RYR3: variants seen among roughly 807,000 people sequenced by gnomAD.
RYR3 encodes the protein ryanodine receptor 3, also known as brain ryanodine receptor-calcium release channel.
A neutral mutation model predicts 584.3 loss-of-function variants in RYR3; 207 were observed. The ratio of observed to expected loss-of-function variants is 0.35; its 90% CI spans 0.32 to 0.40. The LOEUF (loss-of-function observed/expected upper bound fraction) is 0.40. RYR3 is among the 10% of genes least tolerant of loss of function. The pLI, the probability that RYR3 is intolerant of heterozygous loss-of-function variation, is 1.00. For synonymous variants in RYR3, 2,416 were observed against 2,248.5 expected, an observed-to-expected ratio of 1.07 and a Z score of -2.11; for missense variants, 5,616 against 6,089.2, an observed-to-expected ratio of 0.92 and a Z score of 2.59.
intron 81 of RYR3, among the ~76,000 whole-genome samples, chr15:33,825,004 C>T (rs1350478547): frequency 6.6e-6 from 1 of 152,098 alleles, no homozygotes; most frequent in Admixed American, 6.5e-5. Flanking sequence ...AAAATGAAGG[C>T]CAACTTGTCA....
chr15:33,340,352 C>G (rs1047099799), intron 1 of RYR3, among the ~76,000 whole-genome samples: 1 of 152,150 alleles, frequency 6.6e-6, no homozygotes, highest in African/African-American at 2.4e-5. Context: ...GCATTTGTTT[C>G]TTTTGATGTT....
rs1210909341 is a variant in RYR3 at position 33,534,129 on chromosome 15, G to A, written c.433+740G>A. Among the ~76,000 whole-genome samples the A allele has an allele frequency of 3.9e-5, 6 of 152,212 alleles. No homozygotes were observed. The East Asian group carries it at 5.8e-4, about 15-fold the overall frequency. ...AGGGTAGTAAAAATGGGCCGGGCAC[G>A]GTGGCTCATGCCTGTAATCCCAGCA... On this transcript the variant is annotated intron_variant, in intron 5 of 103. Transcript: ENST00000634891.
intron 43 of RYR3, among the ~76,000 whole-genome samples, chr15:33,709,145 G>T (rs961455073): frequency 6.6e-6 from 1 of 152,194 alleles, no homozygotes; most frequent in South Asian, 2.1e-4. Flanking sequence ...AACAGTAGCC[G>T]TGTCTAGTTT....
chr15:33,816,393 G>A (rs1471464123), intron 74 of RYR3, among the ~76,000 whole-genome samples: 1 of 152,204 alleles, frequency 6.6e-6, no homozygotes, highest in Non-Finnish European at 1.5e-5. Flanking sequence ...GTGGTTACTT[G>A]GAGAATGAAA....
chr15:33,662,139 C>A lies in RYR3; in HGVS notation c.4623-14C>A. The A allele has an allele frequency of 6.4e-7, 1 of 1,552,728 alleles. No homozygotes were observed. Among genetic ancestry groups the A allele is most frequent in the South Asian group, 1.2e-5 (1 of 80,612 alleles). Reference sequence around the variant, plus strand: ...TCTCCCCCTGGTGTGGCTGATTGCTCGTCCTGTCCTCAGGTGTGTGGATAT... The same window carrying A: ...TCTCCCCCTGGTGTGGCTGATTGCTAGTCCTGTCCTCAGGTGTGTGGATAT... On this transcript the variant is annotated splice_polypyrimidine_tract_variant and intron_variant, in intron 34 of 103. Transcript: ENST00000634891.
intron 75 of RYR3, 43 bp downstream of exon 75, chr15:33,817,001 A>C (rs1279140820): frequency 8.0e-7 from 1 of 1,244,052 alleles, no homozygotes; most frequent in South Asian, 1.3e-5. Flanking sequence ...GTGTGGATGA[A>C]TTTGATTTTC....
chr15:33,533,136 T>A (rs2055024875), intron 4 of RYR3, among the ~76,000 whole-genome samples, 175 bp from the exon 5 acceptor site: 1 of 151,974 alleles, frequency 6.6e-6, no homozygotes, highest in Non-Finnish European at 1.5e-5. Flanking sequence ...TAATAATAAT[T>A]AAAAATGAAA....
chr15:33,680,190 G>T (rs1270146161), intron 38 of RYR3, among the ~76,000 whole-genome samples: 2 of 152,216 alleles, frequency 1.3e-5, no homozygotes, highest in Admixed American at 6.5e-5. Flanking sequence ...ATAGTGCTCA[G>T]CTGGATGTCC....
intron 47 of RYR3, among the ~76,000 whole-genome samples, chr15:33,729,380 A>G (rs796166109): frequency 1.5e-4 from 23 of 152,180 alleles, no homozygotes; most frequent in African/African-American, 5.5e-4. Context: ...TGCCAAAATC[A>G]ATTTCAGATA....
At chr15:33,547,986 C>G (rs2141218558) in intron 8 of RYR3, 144 bp from the exon 9 acceptor site, 1 of 648,682 alleles carries the variant, frequency 1.5e-6, no homozygotes, top group Admixed American at 2.9e-5. Context: ...ACTGTCTTCC[C>G]TCTTATTCTG....
chr15:33,533,424 G>A (rs146768617), intron 5 of RYR3, 35 bp downstream of exon 5: 236 of 1,469,538 alleles, frequency 1.6e-4, no homozygotes, highest in Non-Finnish European at 2.0e-4. Context: ...TGAGCTCAGC[G>A]GGGGTCTTGG....
chr15:33,864,862 T>G, intron 103 of RYR3: 1 of 407,684 alleles, frequency 2.5e-6, no homozygotes, highest in Non-Finnish European at 4.4e-6. Context: ...TTTAAGTATG[T>G]TTAGTGGCAA....
chr15:33,515,148 G>T (rs1356705996), intron 3 of RYR3, among the ~76,000 whole-genome samples: 1 of 152,132 alleles, frequency 6.6e-6, no homozygotes. Context: ...GTTTTTGATG[G>T]GTACAAATAA....
At chr15:33,661,363 G>C (rs1260201517) in intron 34 of RYR3, among the ~76,000 whole-genome samples, 1 of 152,188 alleles carries the variant, frequency 6.6e-6, no homozygotes, top group Non-Finnish European at 1.5e-5. Flanking sequence ...TTCCTCTCTG[G>C]ACAAGAGTGC....
At chr15:33,377,015 A>T (rs1457242462) in intron 1 of RYR3, among the ~76,000 whole-genome samples, 1 of 152,216 alleles carries the variant, frequency 6.6e-6, no homozygotes, top group East Asian at 1.9e-4. Context: ...TTTTGAAAGA[A>T]ATCTGGTAGA....
At chr15:33,473,278 G>T (rs760422898) in intron 1 of RYR3, 141 bp from the exon 2 acceptor site, 9 of 953,418 alleles carry the variant, frequency 9.4e-6, no homozygotes, top group Non-Finnish European at 1.5e-5. Context: ...ATCTCCTTCC[G>T]TAATCAGGTT....
At chr15:33,468,601 A>G (rs768915830) in intron 1 of RYR3, among the ~76,000 whole-genome samples, 59 of 152,220 alleles carry the variant, frequency 3.9e-4, no homozygotes, top group Non-Finnish European at 4.6e-4. Flanking sequence ...TATCCCAGTT[A>G]ATTAACACAT....
chr15:33,586,661 G>A (rs1242377358), intron 16 of RYR3, among the ~76,000 whole-genome samples: 3 of 152,158 alleles, frequency 2.0e-5, no homozygotes, highest in African/African-American at 7.2e-5. Flanking sequence ...TATATGAGCT[G>A]GGGCCTCAGT....
At chr15:33,781,773 G>A (rs527984930) in intron 65 of RYR3, among the ~76,000 whole-genome samples, 28 of 144,288 alleles carry the variant, frequency 1.9e-4, no homozygotes, top group Admixed American at 3.5e-4. Flanking sequence ...CCAAAGTCCC[G>A]TATGAAATCT....
Sources: gnomAD v4.1 joint callset for allele counts (sites outside exome capture counted in the v4.1 genomes callset) on GRCh38, gnomAD v4.1.1 for gene constraint, MANE v1.5 for transcripts, NCBI Gene and HGNC (gene_info 2026-07-23, HGNC 2026-07-21) for gene names.